INPP5D: variants seen among roughly 807,000 people sequenced by gnomAD.
INPP5D encodes the protein inositol polyphosphate-5-phosphatase D, also known as phosphatidylinositol 3,4,5-trisphosphate 5-phosphatase 1.
A neutral mutation model predicts 122.9 loss-of-function variants in INPP5D; 33 were observed. The observed-to-expected ratio is 0.27, with a 90% CI of 0.20 to 0.36. The LOEUF is 0.36. Ranked by LOEUF, INPP5D falls within the 10% of genes least tolerant of loss-of-function variation. INPP5D has a pLI of 1.00. For missense variants in INPP5D, 1,053 were observed against 1,412.7 expected, an observed-to-expected ratio of 0.75 and a Z score of 4.08; for synonymous variants, 584 against 576.2, an observed-to-expected ratio of 1.01 and a Z score of -0.19.
chr2:233,079,999 G>C (rs1025972558), intron 2 of INPP5D, among the ~76,000 whole-genome samples: 1 of 151,986 alleles, frequency 6.6e-6, no homozygotes. Flanking sequence ...GCGCCATGTC[G>C]GCTCCCTGCA....
chr2:233,077,115 C>T (rs533590296), intron 1 of INPP5D, among the ~76,000 whole-genome samples: 13 of 152,198 alleles, frequency 8.5e-5, no homozygotes, highest in African/African-American at 2.9e-4. Flanking sequence ...CTTGAGAAGA[C>T]CTCTATGATC....
chr2:233,160,474 A>G lies in INPP5D; in HGVS notation c.1138-1250A>G, dbSNP rs1414193161. Among the ~76,000 whole-genome samples the G allele has an allele frequency of 1.3e-5, 2 of 152,228 alleles. No homozygotes were observed. Among genetic ancestry groups the G allele is most frequent in the Non-Finnish European group, 2.9e-5 (2 of 68,046 alleles). ...TTTAATTTAAATGTTCTTTCATTACATAAGTAATCTATTCTCCTTGGTGAA... is the reference window on the plus strand; with the variant it reads ...TTTAATTTAAATGTTCTTTCATTACGTAAGTAATCTATTCTCCTTGGTGAA... On this transcript the variant is annotated intron_variant, in intron 10 of 26. Transcript: ENST00000445964. The surrounding 1 kb of genome is among the most constrained non-coding windows in gnomAD (Gnocchi z 4.2).
rs1695515777 is a variant in INPP5D, at chr2:233,206,712, C to T, written c.*4C>T. On this transcript the variant is annotated 3_prime_UTR_variant, in exon 27 of 27. Transcript: ENST00000445964. This position sits in a 1 kb window ranked among gnomAD's most constrained non-coding sequence, Gnocchi z 4.0. ...TTCTGTTCTTGTCCCACAGTGAAGC[C>T]CTCAGTGAGCTGCCACTGAGTCGGG... 1 of 771,978 alleles carries T rather than the reference C, an allele frequency of 1.3e-6. No individual in the cohort carries two copies. Among genetic ancestry groups the T allele is most frequent in the African/African-American group, 1.7e-5 (1 of 58,946 alleles). 47.8% of individuals were successfully genotyped at this position (771,978 alleles called of 1,614,324 possible).
chr2:233,072,482 T>C (rs1012524095), intron 1 of INPP5D, among the ~76,000 whole-genome samples: 1 of 152,238 alleles, frequency 6.6e-6, no homozygotes, highest in Non-Finnish European at 1.5e-5. Context: ...GGTTATGTTA[T>C]GGTTTTAAGT....
At chr2:233,145,025 A>G (rs1693722534) in intron 6 of INPP5D, among the ~76,000 whole-genome samples, 1 of 152,100 alleles carries the variant, frequency 6.6e-6, no homozygotes, top group Non-Finnish European at 1.5e-5. Flanking sequence ...CCCTGGTTCC[A>G]TTCTGCTTTG....
rs1691040021 is a variant in INPP5D, at chr2:233,060,505, C to T, written c.27C>T (p.Asn9=). MVPCWNHG[N]ITRSKAEELL... ...TGGTCCCCTGCTGGAACCATGGCAA[C>T]ATCACCCGCTCCAAGGCGGAGGAGC... The change falls in exon 1 of 27, where the codon AAC becomes AAT. Residue 9 remains asparagine (N), a synonymous_variant. Transcript: ENST00000445964. The T allele has an allele frequency of 6.2e-7, 1 of 1,612,370 alleles. No homozygotes were observed. The highest frequency in any genetic ancestry group is 1.3e-5 in the African/African-American group (1 of 74,924).
intron 2 of INPP5D, among the ~76,000 whole-genome samples, chr2:233,099,692 C>T (rs1037315236): frequency 2.0e-5 from 3 of 152,280 alleles, no homozygotes; most frequent in Admixed American, 1.3e-4. Flanking sequence ...TTTAAAAATT[C>T]AGAGATTTCT....
rs866835029 is a variant in INPP5D, at chr2:233,147,431, G to T, written c.907-40G>T. On this transcript the variant is annotated intron_variant, in intron 8 of 26. Coordinates refer to ENST00000445964, the MANE Select transcript of INPP5D (RefSeq NM_001017915.3). ...GCGGGGGAAGCCTTGCAAAAGCCCA[G>T]GCAGAAAATCAATCAGTGACACATC... The T allele has an allele frequency of 1.3e-5, 9 of 701,060 alleles. No homozygotes were observed. The South Asian group carries it at 1.3e-4, about 10-fold the overall frequency. The allele number at this position is 701,060 out of a possible 1,614,324, so 43.4% of individuals were successfully genotyped here. A position where few individuals can be genotyped will look rare whatever the true frequency, so the allele number is the denominator to read the frequency against.
In INPP5D at chr2:233,104,535, C is replaced by A. The variant is rs947425026; in HGVS notation, c.199-17572C>A. Reference sequence around the variant, plus strand: ...GATCAGGGCAAACAGAAGGTGAGGTCGGAAGTGTGCTGAAGCCATGGGGGG... The same window carrying A: ...GATCAGGGCAAACAGAAGGTGAGGTAGGAAGTGTGCTGAAGCCATGGGGGG... On this transcript the variant is annotated intron_variant, in intron 2 of 26. Transcript: ENST00000445964. 2.6e-5 allele frequency among the ~76,000 whole-genome samples: 4 copies of A among 152,090 alleles called. No individual in the cohort carries two copies. In the East Asian group the frequency reaches 5.8e-4, roughly 22 times the overall value.
intron 8 of INPP5D, 34 bp downstream of exon 8, chr2:233,146,472 G>C (rs1693764475): frequency 1.4e-6 from 1 of 703,146 alleles, no homozygotes; most frequent in South Asian, 1.5e-5. Context: ...GCCTGGGCTT[G>C]GGCTCCACAG....
At chr2:233,121,289 G>A (rs963533674) in intron 2 of INPP5D, among the ~76,000 whole-genome samples, 2 of 151,174 alleles carry the variant, frequency 1.3e-5, no homozygotes, top group African/African-American at 2.4e-5. Flanking sequence ...GCACCACCAC[G>A]CTTGGCTAAT....
intron 9 of INPP5D, among the ~76,000 whole-genome samples, chr2:233,148,575 G>A (rs1693834097): frequency 1.3e-5 from 2 of 152,182 alleles, no homozygotes; most frequent in Admixed American, 6.5e-5. Context: ...CAGGGGGGTA[G>A]GCAATGCCCA....
At chr2:233,180,887 T>C (rs1029447332) in intron 18 of INPP5D, among the ~76,000 whole-genome samples, 1 of 151,768 alleles carries the variant, frequency 6.6e-6, no homozygotes, top group Non-Finnish European at 1.5e-5. Context: ...TTGGCCAGGC[T>C]GATCTCGAAC....
intron 25 of INPP5D, among the ~76,000 whole-genome samples, chr2:233,199,196 C>T (rs1032053457): frequency 1.5e-4 from 22 of 151,688 alleles, no homozygotes; most frequent in African/African-American, 4.1e-4. Context: ...CAAGATTGCA[C>T]CACTGCACTC....
At chr2:233,067,169 G>A (rs1021099274) in intron 1 of INPP5D, among the ~76,000 whole-genome samples, 2 of 152,208 alleles carry the variant, frequency 1.3e-5, no homozygotes, top group South Asian at 2.1e-4. Flanking sequence ...TCAATACCTC[G>A]AAAAGAAAAG....
intron 4 of INPP5D, among the ~76,000 whole-genome samples, chr2:233,129,502 T>C (rs530526501): frequency 2.0e-5 from 3 of 152,362 alleles, no homozygotes; most frequent in Admixed American, 2.0e-4. Flanking sequence ...GGGACTGGCC[T>C]GGGCTCTCTG....
chr2:233,074,999 C>T (rs1691481008), intron 1 of INPP5D, among the ~76,000 whole-genome samples: 1 of 152,114 alleles, frequency 6.6e-6, no homozygotes, highest in African/African-American at 2.4e-5. Context: ...ACGGGCTTGT[C>T]CTCCCATATT....
intron 2 of INPP5D, among the ~76,000 whole-genome samples, chr2:233,113,004 C>T (rs1692673355): frequency 6.6e-6 from 1 of 152,142 alleles, no homozygotes; most frequent in African/African-American, 2.4e-5. Flanking sequence ...ACAGACACTT[C>T]CCATTCCAAT....
At chr2:233,147,186 A>G (rs947440949) in intron 8 of INPP5D, among the ~76,000 whole-genome samples, 3 of 152,218 alleles carry the variant, frequency 2.0e-5, no homozygotes, top group Non-Finnish European at 2.9e-5. Context: ...GTCATCAGTG[A>G]ATGAACCATT....
Sources: gnomAD v4.1 joint callset for allele counts (sites outside exome capture counted in the v4.1 genomes callset) on GRCh38, gnomAD v4.1.1 for gene constraint, Gnocchi (gnomAD v3.1) non-coding constraint, MANE v1.5 for transcripts, NCBI Gene and HGNC (gene_info 2026-07-23, HGNC 2026-07-21) for gene names.